The following ACIN1 variants were observed in gnomAD, a reference collection of about 807,000 sequenced individuals.
The protein encoded by ACIN1 is apoptotic chromatin condensation inducer 1.
Under a neutral mutation model 146.6 loss-of-function variants are expected in ACIN1, and 16 were observed. That is an observed-to-expected ratio of 0.11 (90% CI 0.07 to 0.17). ACIN1 has a LOEUF of 0.17. Ranked by LOEUF, ACIN1 falls within the 10% of genes least tolerant of loss-of-function variation. The pLI, the probability that ACIN1 is intolerant of heterozygous loss-of-function variation, is 1.00. For synonymous variants in ACIN1, 569 were observed against 582.7 expected (o/e 0.98, Z 0.34); for missense variants, 1,357 against 1,609.3 (o/e 0.84, Z 2.68).
chr14:23,085,838 T>TA (rs1306513949), intron 4 of ACIN1, among the ~76,000 whole-genome samples: 1 of 152,228 alleles, frequency 6.6e-6, no homozygotes, highest in Non-Finnish European at 1.5e-5. Context: ...GTGGAGCTGA[T>TA]ACTGATAACA....
chr14:23,063,706 T>C, intron 12 of ACIN1, 129 bp from the exon 13 acceptor site: 2 of 1,079,264 alleles, frequency 1.9e-6, no homozygotes, highest in Non-Finnish European at 1.3e-6. Flanking sequence ...TATTTCGTTA[T>C]CGGCTCACTT....
intron 14 of ACIN1, 189 bp downstream of exon 14, chr14:23,062,740 C>G (rs1057123722): frequency 1.2e-6 from 1 of 839,634 alleles, no homozygotes; most frequent in Non-Finnish European, 1.8e-6. Context: ...CTCAAAACAA[C>G]CCTGCAGGGC....
intron 1 of ACIN1, 114 bp downstream of exon 1, chr14:23,094,861 C>T (rs2048333726): frequency 7.1e-7 from 1 of 1,407,768 alleles, no homozygotes; most frequent in East Asian, 2.5e-5. Context: ...GAGGCTCGCG[C>T]TGGCGGCCTG....
intron 8 of ACIN1, among the ~76,000 whole-genome samples, chr14:23,074,090 G>A (rs1037827957): frequency 2.6e-5 from 4 of 151,428 alleles, no homozygotes; most frequent in Admixed American, 1.3e-4. Flanking sequence ...CGCGCGTCTC[G>A]GCCTCCCAAA....
chr14:23,077,182 C>T (rs1279879758), intron 8 of ACIN1, among the ~76,000 whole-genome samples: 1 of 152,202 alleles, frequency 6.6e-6, no homozygotes, highest in Non-Finnish European at 1.5e-5. Context: ...CCACTACCCT[C>T]CAAAAGTCAG....
At chr14:23,066,221 A>G in intron 9 of ACIN1, 3 of 514,796 alleles carry the variant, frequency 5.8e-6, no homozygotes, top group Non-Finnish European at 1.0e-5. Flanking sequence ...TTAGAGAAAA[A>G]AATAAAACTA....
At chr14:23,062,016 G>T in intron 16 of ACIN1, 152 bp downstream of exon 16, 1 of 548,642 alleles carries the variant, frequency 1.8e-6, no homozygotes. Flanking sequence ...CCACTTTGAA[G>T]CCCCATGGTA....
chr14:23,084,714 G>A (rs1052855550), intron 4 of ACIN1, among the ~76,000 whole-genome samples: 3 of 151,944 alleles, frequency 2.0e-5, no homozygotes, highest in Admixed American at 1.3e-4. Context: ...TGATTAAAAG[G>A]ACCTCTGAGT....
chr14:23,078,456 T>C (rs1355034515), intron 7 of ACIN1, among the ~76,000 whole-genome samples, 190 bp from the exon 8 acceptor site: 1 of 152,244 alleles, frequency 6.6e-6, no homozygotes, highest in Non-Finnish European at 1.5e-5. Context: ...ACTTCAAGAA[T>C]ATTTATGCCA....
intron 17 of ACIN1, 48 bp downstream of exon 17, chr14:23,061,250 C>G: frequency 6.2e-7 from 1 of 1,613,746 alleles, no homozygotes. Context: ...ATCTGGGTCC[C>G]TTTCCCACCT....
In ACIN1 at chr14:23,075,705, T is replaced by G. The variant is rs113584739; in HGVS notation, c.2123+2446A>C. On this transcript the variant is annotated intron_variant, in intron 8 of 18. Transcript: ENST00000605057. ...CCAAGGTTAGGCCATAAATGGTCTT[T>G]TCCATTTTTTTTTTTTGAGACGGAG... 1.4e-4 allele frequency among the ~76,000 whole-genome samples: 21 copies of G among 148,996 alleles called. 1 individual carries two copies. The highest frequency in any genetic ancestry group is 4.9e-4 in the African/African-American group (20 of 40,650).
rs1361674424 is a variant in ACIN1 at position 23,095,105 on chromosome 14, T to C, written c.8A>G (p.Glu3Gly). The change falls in exon 1 of 19, where the codon GAG becomes GGG. Residue 3 changes from glutamate to glycine, a missense_variant. Transcript: ENST00000605057. MA[E>G]LEEVTLDGKP... ...CCCGTCCAGAGTCACCTCCTCCAGC[T>C]CCGCCATCTTGCGTGAGGTACTCGG... is the stretch of plus-strand genomic sequence containing the variant. 3 of 1,614,112 alleles carry C rather than the reference T, an allele frequency of 1.9e-6. No homozygotes were observed. Among genetic ancestry groups the C allele is most frequent in the Non-Finnish European group, 1.7e-6 (2 of 1,180,050 alleles).
At position 23,079,833 on chromosome 14, in the gene ACIN1, C is replaced by T; in HGVS notation, c.1502G>A (p.Arg501Lys). ...GCTTGGGAGAAGGGTATGAGAAGCT[C>T]TTCTGCCTTCCTTCTGTTCCAAAGA... The part of the protein sequence containing the change: ...QPSLEQKEGR[R>K]ASHTLLPSHR... Residue 501 changes from arginine (R) to lysine (K), a missense_variant, in exon 6 of 19, where the codon AGA (arginine) becomes AAA (lysine). Coordinates refer to ENST00000605057, the MANE Select transcript of ACIN1 (RefSeq NM_001386863.1). 1 of 1,614,214 alleles carries T rather than the reference C, an allele frequency of 6.2e-7. No homozygotes were observed.
chr14:23,082,939 C>T (rs1401431569), intron 4 of ACIN1, among the ~76,000 whole-genome samples: 1 of 151,640 alleles, frequency 6.6e-6, no homozygotes, highest in Admixed American at 6.6e-5. Flanking sequence ...GGGGTTTCAT[C>T]ATGTTGCCTA....
intron 8 of ACIN1, 34 bp downstream of exon 8, chr14:23,078,117 C>T (rs1410180910): frequency 6.3e-7 from 1 of 1,597,022 alleles, no homozygotes; most frequent in Non-Finnish European, 8.6e-7. Context: ...ACTCATAGTT[C>T]CCTGTTATAC....
chr14:23,075,445 G>A (rs1293534266), intron 8 of ACIN1, among the ~76,000 whole-genome samples: 1 of 151,114 alleles, frequency 6.6e-6, no homozygotes, highest in Non-Finnish European at 1.5e-5. Context: ...AACTGAAACA[G>A]GACTGAGGAC....
intron 4 of ACIN1, among the ~76,000 whole-genome samples, chr14:23,087,430 T>C (rs897186277): frequency 5.3e-5 from 8 of 151,088 alleles, no homozygotes; most frequent in Admixed American, 1.3e-4. Flanking sequence ...TATTTTCCAA[T>C]TTATTTTTCA....
intron 18 of ACIN1, among the ~76,000 whole-genome samples, chr14:23,059,700 TG>T (rs1252424163): frequency 2.7e-5 from 4 of 150,550 alleles, no homozygotes; most frequent in South Asian, 2.1e-4. Context: ...TCGCCCAGGC[TG>T]GGAGTGCAGT....
chr14:23,087,388 T>A (rs1356214539), intron 4 of ACIN1, among the ~76,000 whole-genome samples: 2 of 152,008 alleles, frequency 1.3e-5, no homozygotes, highest in African/African-American at 2.4e-5. Flanking sequence ...TTACGGCAAT[T>A]ATGAGCAGTA....
Sources: gnomAD v4.1 joint callset for allele counts (sites outside exome capture counted in the v4.1 genomes callset) on GRCh38, gnomAD v4.1.1 for gene constraint, MANE v1.5 for transcripts, NCBI Gene and HGNC (gene_info 2026-07-23, HGNC 2026-07-21) for gene names.